Variants in SMIM10L3 observed in about 807,000 individuals in gnomAD.
The protein encoded by SMIM10L3 is salivary gland specific protein SAGSIN1.
chr7:6,337,117 G>C, the SMIM10L3 span, among the ~76,000 whole-genome samples: 2 of 150,928 alleles, frequency 1.3e-5, no homozygotes, highest in African/African-American at 2.4e-5. Context: ...TCTCGCCCAG[G>C]CTGGAGTGCA....
At chr7:6,347,905 T>TTATTA in the SMIM10L3 span, among the ~76,000 whole-genome samples, 1 of 146,346 alleles carries the variant, frequency 6.8e-6, no homozygotes, top group African/African-American at 2.5e-5. Flanking sequence ...ATTATTATTA[T>TTATTA]TATTATTATT....
At chr7:6,345,298 C>T in the SMIM10L3 span, among the ~76,000 whole-genome samples, 1 of 151,150 alleles carries the variant, frequency 6.6e-6, no homozygotes, top group South Asian at 2.1e-4. Flanking sequence ...ATTTTTTGTA[C>T]AGACTGGGGT....
At chr7:6,331,165 C>T in the SMIM10L3 span, 64 of 1,605,494 alleles carry the variant, frequency 4.0e-5, no homozygotes, top group Middle Eastern at 8.4e-4. Flanking sequence ...GCTTCGTGTT[C>T]TTGGATGCGG....
the SMIM10L3 span, chr7:6,342,110 G>C: frequency 6.6e-6 from 1 of 152,156 alleles, no homozygotes; most frequent in Non-Finnish European, 1.5e-5. Context: ...CAGGTGCCAG[G>C]TGCTGTTCTA....
At chr7:6,337,537 G>T in the SMIM10L3 span, among the ~76,000 whole-genome samples, 1 of 151,590 alleles carries the variant, frequency 6.6e-6, no homozygotes, top group African/African-American at 2.4e-5. Flanking sequence ...TGTTCAGAAA[G>T]GTGAAACATT....
chr7:6,347,856 C>T, the SMIM10L3 span, among the ~76,000 whole-genome samples: 1 of 149,920 alleles, frequency 6.7e-6, no homozygotes, highest in Non-Finnish European at 1.5e-5. Flanking sequence ...GAGTTCGAGA[C>T]CAGCCTGGGC....
At chr7:6,335,252 C>G in the SMIM10L3 span, among the ~76,000 whole-genome samples, 2 of 150,948 alleles carry the variant, frequency 1.3e-5, no homozygotes, top group African/African-American at 4.9e-5. Context: ...AATGGAGTCT[C>G]GCTCTTGTTG....
the SMIM10L3 span, among the ~76,000 whole-genome samples, chr7:6,342,904 G>C: frequency 6.6e-6 from 1 of 151,950 alleles, no homozygotes; most frequent in Non-Finnish European, 1.5e-5. Flanking sequence ...AGGCATGGTG[G>C]CACATGCCTG....
chr7:6,337,214 G>A, the SMIM10L3 span, among the ~76,000 whole-genome samples: 5 of 152,096 alleles, frequency 3.3e-5, no homozygotes, highest in African/African-American at 1.2e-4. Flanking sequence ...TGAGACTACA[G>A]GTGTATGCCA....
the SMIM10L3 span, among the ~76,000 whole-genome samples, chr7:6,345,252 G>A: frequency 6.6e-6 from 1 of 151,852 alleles, no homozygotes; most frequent in African/African-American, 2.4e-5. Flanking sequence ...CAAGTAGCTG[G>A]GATTACAGGC....
the SMIM10L3 span, among the ~76,000 whole-genome samples, chr7:6,342,538 C>CA: frequency 0.031 from 4,482 of 146,398 alleles, 243 homozygotes; most frequent in African/African-American, 0.11. Flanking sequence ...GACTCTGTCT[C>CA]AAAAAAAAAA....
At chr7:6,347,573 G>C in the SMIM10L3 span, among the ~76,000 whole-genome samples, 110 of 152,074 alleles carry the variant, frequency 7.2e-4, 1 homozygote, top group Non-Finnish European at 1.2e-3. Context: ...CAGGGTGCTG[G>C]GGTGTGAGCA....
At chr7:6,335,662 T>TTA in the SMIM10L3 span, among the ~76,000 whole-genome samples, 3 of 152,174 alleles carry the variant, frequency 2.0e-5, no homozygotes, top group African/African-American at 7.2e-5. Flanking sequence ...TTATGAATAC[T>TTA]TATATATATC....
chr7:6,330,748 CT>C, the SMIM10L3 span: 1 of 1,614,146 alleles, frequency 6.2e-7, no homozygotes, highest in Non-Finnish European at 8.5e-7. Flanking sequence ...GTCAGTGGCC[CT>C]GGGCCCTCCT....
chr7:6,331,316 A>G, the SMIM10L3 span: 4 of 681,976 alleles, frequency 5.9e-6, no homozygotes, highest in Non-Finnish European at 9.9e-6. Context: ...AATATTTCCT[A>G]ACAAACACTG....
At chr7:6,343,109 G>T in the SMIM10L3 span, among the ~76,000 whole-genome samples, 1 of 151,420 alleles carries the variant, frequency 6.6e-6, no homozygotes, top group African/African-American at 2.4e-5. Context: ...AGGTGCAGTG[G>T]CTTACACCTG....
the SMIM10L3 span, among the ~76,000 whole-genome samples, chr7:6,331,437 AC>A: frequency 6.6e-6 from 1 of 152,198 alleles, no homozygotes; most frequent in Admixed American, 6.6e-5. Flanking sequence ...TGCTGGGATT[AC>A]AGGTGTGAGC....
chr7:6,348,747 A>G, the SMIM10L3 span: 2 of 408,974 alleles, frequency 4.9e-6, no homozygotes, highest in Non-Finnish European at 8.6e-6. Context: ...GGCCCGACAG[A>G]GCCGCCGCCA....
At chr7:6,345,098 G>A in the SMIM10L3 span, among the ~76,000 whole-genome samples, 1 of 150,974 alleles carries the variant, frequency 6.6e-6, no homozygotes, top group Non-Finnish European at 1.5e-5. Flanking sequence ...TCAGATTTAT[G>A]GGAGGTTATG....
Sources: allele counts gnomAD v4.1 joint callset (sites outside exome capture counted in the v4.1 genomes callset), GRCh38; gene constraint gnomAD v4.1.1; transcripts MANE v1.5; gene names NCBI Gene and HGNC (gene_info 2026-07-23, HGNC 2026-07-21).